Variants in DTX1 observed in about 807,000 individuals in gnomAD.
DTX1 encodes the protein deltex E3 ubiquitin ligase 1, also known as E3 ubiquitin-protein ligase DTX1.
In DTX1, 26 loss-of-function variants were observed where a neutral mutation model predicts 57.8. That is an observed-to-expected ratio of 0.45 (90% confidence interval 0.33 to 0.62). DTX1 has a LOEUF of 0.62. Ranked by LOEUF, DTX1 falls within the 20% of genes least tolerant of loss-of-function variation. The probability of loss-of-function intolerance (pLI) is 0.02; values close to 1 mark genes in which losing one functional copy is unlikely to be tolerated. For missense variants in DTX1, 704 were observed against 895.3 expected (o/e 0.79, Z 2.73); for synonymous variants, 398 against 394.1 (o/e 1.01, Z -0.12).
chr12:113,077,883 G>A lies in DTX1; in HGVS notation c.719G>A (p.Gly240Glu). The stretch of plus-strand genomic sequence containing the variant: ...CTGCCGCCGCCGCCGCCACCTGGAG[G>A]GCCTCCAGGCGCGCTTGCCGTGCGC... ...PPLPPPPPPG[G>E]PPGALAVRPS... Residue 240 changes from glycine to glutamate, a missense_variant, in exon 3 of 10, where the codon GGG becomes GAG. Transcript: ENST00000548759. The surrounding 1 kb of genome is among the most constrained non-coding windows in gnomAD (Gnocchi z 7.8). 2 of 1,289,418 alleles carry A rather than the reference G, an allele frequency of 1.6e-6. No homozygotes were observed. The highest frequency in any genetic ancestry group is 2.4e-5 in the South Asian group (1 of 40,934). The allele number at this position is 1,289,418 out of a possible 1,614,324, so 79.9% of individuals were successfully genotyped here.
In DTX1 at chr12:113,071,495, G is replaced by A. The variant is rs569539384; in HGVS notation, c.260-5929G>A. ...CTGCCTGGGGGACGCAGACCCTGTG[G>A]CCAGCACAGCAGGGTGCCCTGAAGG... On this transcript the variant is annotated intron_variant, in intron 2 of 9. Coordinates refer to ENST00000548759, the MANE Select transcript of DTX1 (RefSeq NM_004416.3). 8.5e-5 allele frequency among the ~76,000 whole-genome samples: 13 copies of A among 152,388 alleles called. No homozygotes were observed. In the South Asian group the frequency reaches 2.7e-3, roughly 32 times the overall value.
At chr12:113,074,992 C>T (rs1195442239) in intron 2 of DTX1, among the ~76,000 whole-genome samples, 3 of 152,128 alleles carry the variant, frequency 2.0e-5, no homozygotes, top group African/African-American at 7.2e-5. Flanking sequence ...CCTGTTAAAC[C>T]TCTCCAGGGA....
At chr12:113,059,816 A>C (rs889771118) in intron 2 of DTX1, among the ~76,000 whole-genome samples, 9 of 152,224 alleles carry the variant, frequency 5.9e-5, no homozygotes, top group Non-Finnish European at 1.2e-4. Flanking sequence ...TGGCTACTTA[A>C]ATTTACATTA....
chr12:113,096,439 C>CAAAAAAAAAAAAAAAAAA (rs56194115), intron 9 of DTX1, among the ~76,000 whole-genome samples: 7 of 92,768 alleles, frequency 7.5e-5, no homozygotes, highest in East Asian at 3.2e-4. Context: ...GACTCTGCCT[C>CAAAAAAAAAAAAAAAAAA]AAAAAAAAAA....
intron 3 of DTX1, among the ~76,000 whole-genome samples, chr12:113,090,595 G>A (rs909807299): frequency 1.3e-5 from 2 of 152,160 alleles, no homozygotes; most frequent in African/African-American, 2.4e-5. Flanking sequence ...CAGGGTACCC[G>A]CCATCCCATC....
Position 113,094,894 on chromosome 12 carries a change from G to A in DTX1, c.1333G>A (p.Gly445Ser), listed in dbSNP as rs147064415. The A allele has an allele frequency of 3.7e-6, 6 of 1,613,544 alleles. No homozygotes were observed. The African/African-American group carries it at 6.7e-5, about 18-fold the overall frequency. Residue 445 changes from glycine (G) to serine (S), a missense_variant, in exon 7 of 10, where the codon GGC (glycine) becomes AGC (serine). By Grantham distance (56) the Gly-to-Ser change is moderately conservative. This residue lies in a region of DTX1 where 168 missense variants were observed against 255.6 expected (regional missense o/e 0.66). Transcript: ENST00000548759. The stretch of plus-strand genomic sequence containing the variant: ...GCTCGTGGGCCGCCTGGGCCGCTGT[G>A]GCCACATGTACCACCTGCTGTGCCT... ...PELVGRLGRC[G>S]HMYHLLCLVA... is the part of the protein sequence containing the mutation.
chr12:113,095,019 C>CA, intron 7 of DTX1, 23 bp from the exon 8 acceptor site: 1 of 1,604,068 alleles, frequency 6.2e-7, no homozygotes, highest in Non-Finnish European at 8.5e-7. Context: ...GCTGGGAACT[C>CA]ACTGCCAGCC....
rs1254140553 is a variant in DTX1 at position 113,058,167 on chromosome 12, A to G, written c.-26A>G. The G allele has an allele frequency of 1.9e-6, 3 of 1,575,612 alleles. No homozygotes were observed. The highest frequency in any genetic ancestry group is 2.6e-6 in the Non-Finnish European group (3 of 1,160,034). On this transcript the variant is annotated 5_prime_UTR_variant, in exon 2 of 10. Transcript: ENST00000548759. ...GGAGCTGGGCCTGCAATAGTGGGGG[A>G]CCTGGCCCCTGAGGCAGTGGCGGCC...
Position 113,096,252 on chromosome 12 carries a change from C to G in DTX1, c.1639-463C>G, listed in dbSNP as rs548466190. On this transcript the variant is annotated intron_variant, in intron 9 of 9. Transcript: ENST00000548759. ...AGCGCAGTGGTGCACACCTGTAATC[C>G]CTGCACTTGGGGAGGCCGAGGTGGG... 1.8e-3 allele frequency among the ~76,000 whole-genome samples: 267 copies of G among 148,968 alleles called. 1 individual carries two copies. Among genetic ancestry groups the G allele is most frequent in the Non-Finnish European group, 2.9e-3 (195 of 67,400 alleles).
At chr12:113,078,761 C>T (rs1478909850) in intron 3 of DTX1, among the ~76,000 whole-genome samples, 1 of 152,154 alleles carries the variant, frequency 6.6e-6, no homozygotes, top group Non-Finnish European at 1.5e-5. Context: ...GCCCACCTCA[C>T]ATGGTGGCTC....
Position 113,093,997 on chromosome 12 carries a change from ACT to A in DTX1, c.1166-38_1166-37del, listed in dbSNP as rs1360419217. On this transcript the variant is annotated intron_variant, in intron 5 of 9. Transcript: ENST00000548759. This position sits in a 1 kb window ranked among gnomAD's most constrained non-coding sequence, Gnocchi z 4.2. ...TTCTGAGCCAAGCCTTCGGGGACAG[ACT>A]CTGGGTACCCTCAAACCCACCCCGC... The A allele has an allele frequency of 6.4e-7, 1 of 1,560,308 alleles. No individual in the cohort carries two copies. Among genetic ancestry groups the A allele is most frequent in the East Asian group, 2.3e-5 (1 of 42,762 alleles).
At chr12:113,078,881 CG>C (rs1310025025) in intron 3 of DTX1, among the ~76,000 whole-genome samples, 5 of 152,048 alleles carry the variant, frequency 3.3e-5, no homozygotes. Context: ...CAGGGACTCC[CG>C]GGGTGACCTG....
chr12:113,094,895 G>A lies in DTX1; in HGVS notation c.1334G>A (p.Gly445Asp), dbSNP rs138441276. The part of the protein sequence containing the change: ...PELVGRLGRC[G>D]HMYHLLCLVA... ...CTCGTGGGCCGCCTGGGCCGCTGTG[G>A]CCACATGTACCACCTGCTGTGCCTC... The change falls in exon 7 of 10, where the codon GGC becomes GAC. Residue 445 changes from glycine to aspartate, a missense_variant. Transcript: ENST00000548759. 1.3e-5 allele frequency: 21 copies of A among 1,613,604 alleles called. No homozygotes were observed. The highest frequency in any genetic ancestry group is 3.3e-4 in the Middle Eastern group (2 of 6,080).
intron 3 of DTX1, among the ~76,000 whole-genome samples, chr12:113,080,369 G>A (rs1240000133): frequency 6.6e-6 from 1 of 152,192 alleles, no homozygotes; most frequent in Non-Finnish European, 1.5e-5. Flanking sequence ...AAAAAGAGGG[G>A]CTGGAGGTCC....
In DTX1 at chr12:113,092,135, G is replaced by C. The variant is rs1393089994; in HGVS notation, c.942-1027G>C. Among the ~76,000 whole-genome samples the C allele has an allele frequency of 2.6e-5, 4 of 152,148 alleles. No homozygotes were observed. The East Asian group carries it at 7.7e-4, about 29-fold the overall frequency. ...AGGTTGTCACTGCAGCAGTTTTGTG[G>C]TTTCCTCTCTAAGATGGAGAGAAGT... On this transcript the variant is annotated intron_variant, in intron 3 of 9. Transcript: ENST00000548759.
At chr12:113,072,363 G>A (rs896842062) in intron 2 of DTX1, among the ~76,000 whole-genome samples, 51 of 152,210 alleles carry the variant, frequency 3.4e-4, no homozygotes, top group African/African-American at 1.2e-3. Context: ...AAAGACTGCT[G>A]CGTTTGCCAA....
rs568139241 is a variant in DTX1 at position 113,057,761 on chromosome 12, C to G, written c.-432C>G. On this transcript the variant is annotated 5_prime_UTR_variant, in exon 2 of 10. Transcript: ENST00000548759. ...GGAGTGCAAAGGGCTGGCTGAGAGC[C>G]GCAGGAGCAGCAGGCTGTGGCCCAG... 1 of 177,756 alleles carries G rather than the reference C, an allele frequency of 5.6e-6. No homozygotes were observed. The highest frequency in any genetic ancestry group is 2.4e-5 in the African/African-American group (1 of 42,278). The allele number at this position is 177,756 out of a possible 1,614,324, so 11.0% of individuals were successfully genotyped here. A position where few individuals can be genotyped will look rare whatever the true frequency, so the allele number is the denominator to read the frequency against.
intron 2 of DTX1, among the ~76,000 whole-genome samples, chr12:113,076,620 A>C (rs985697732): frequency 2.0e-5 from 3 of 152,058 alleles, no homozygotes; most frequent in African/African-American, 7.3e-5. Flanking sequence ...AATAAAATAA[A>C]ATAACATAAT....
intron 3 of DTX1, among the ~76,000 whole-genome samples, chr12:113,090,511 T>C (rs1254077470): frequency 1.3e-5 from 2 of 152,224 alleles, no homozygotes; most frequent in East Asian, 1.9e-4. Context: ...CACAGGACTC[T>C]ATCCCCATTA....
Sources: allele counts gnomAD v4.1 joint callset (sites outside exome capture counted in the v4.1 genomes callset), GRCh38; gene constraint gnomAD v4.1.1; regional missense constraint gnomAD v4.1.1; non-coding constraint Gnocchi (gnomAD v3.1); transcripts MANE v1.5; gene names NCBI Gene and HGNC (gene_info 2026-07-23, HGNC 2026-07-21).